The following MYT1 variants were observed in gnomAD, a reference collection of about 807,000 sequenced individuals.
MYT1 encodes myelin transcription factor 1.
A neutral mutation model predicts 123.0 loss-of-function variants in MYT1; 23 were observed. That is an observed-to-expected ratio of 0.19 (90% CI 0.13 to 0.26). The LOEUF is 0.26. Ranked by LOEUF, MYT1 falls within the 10% of genes least tolerant of loss-of-function variation. The pLI is 1.00. For missense variants in MYT1, 1,125 were observed against 1,472.5 expected (o/e 0.76, Z 3.86); for synonymous variants, 518 against 575.3 (o/e 0.90, Z 1.43).
chr20:64,240,620 C>G lies in MYT1; in HGVS notation c.*172C>G. 1.2e-6 allele frequency: 1 copy of G among 867,858 alleles called. No homozygotes were observed. Among genetic ancestry groups the G allele is most frequent in the Admixed American group, 3.2e-5 (1 of 31,266 alleles). The allele number at this position is 867,858 out of a possible 1,614,324, so 53.8% of individuals were successfully genotyped here. On this transcript the variant is annotated 3_prime_UTR_variant, in exon 23 of 23. Coordinates refer to ENST00000328439, the MANE Select transcript of MYT1 (RefSeq NM_004535.3). The stretch of plus-strand genomic sequence containing the variant: ...AAATTGGCCGCTCCCACGAGGCTCC[C>G]TCCAGGCTTGGGGCCGTGGTGGCCC...
intron 4 of MYT1, among the ~76,000 whole-genome samples, chr20:64,201,610 G>T (rs903929745): frequency 6.6e-6 from 1 of 152,116 alleles, no homozygotes; most frequent in Admixed American, 6.5e-5. Flanking sequence ...CCTGTGGCTC[G>T]TGCTGGCTGA....
chr20:64,203,598 C>T lies in MYT1; in HGVS notation c.87-1437C>T, dbSNP rs1983389006. The stretch of plus-strand genomic sequence containing the variant: ...CCCTCCCTCTCTGTCTTCTTGTTAA[C>T]ACACTGAAAACCCCACCCTGGAAGG... On this transcript the variant is annotated intron_variant, in intron 4 of 22. Coordinates refer to ENST00000328439, the MANE Select transcript of MYT1 (RefSeq NM_004535.3). The surrounding 1 kb of genome is among the most constrained non-coding windows in gnomAD (Gnocchi z 5.1). Among the ~76,000 whole-genome samples the T allele has an allele frequency of 6.6e-6, 1 of 151,908 alleles. No individual in the cohort carries two copies.
Position 64,236,621 on chromosome 20 carries a change from C to T in MYT1, c.2964C>T (p.Leu988=). ...KKGKLSGDEV[L]SPKFKTSDVL... ...GAAAACTGTCAGGGGATGAGGTCCT[C>T]AGTCCAAAGTTCAAGACTAGCGACG... Residue 988 remains leucine, a synonymous_variant, in exon 20 of 23, where the codon CTC becomes CTT. Transcript: ENST00000328439. The T allele has an allele frequency of 6.2e-7, 1 of 1,613,746 alleles. No individual in the cohort carries two copies. Among genetic ancestry groups the T allele is most frequent in the Non-Finnish European group, 8.5e-7 (1 of 1,179,840 alleles).
intron 3 of MYT1, 102 bp from the exon 4 acceptor site, chr20:64,199,790 T>A: frequency 7.2e-7 from 1 of 1,393,630 alleles, no homozygotes; most frequent in Non-Finnish European, 1.0e-6. Flanking sequence ...CACTCGTCCT[T>A]GGCAAACCTC....
At chr20:64,177,817 G>T (rs931068209) in intron 1 of MYT1, among the ~76,000 whole-genome samples, 1 of 152,228 alleles carries the variant, frequency 6.6e-6, no homozygotes, top group Non-Finnish European at 1.5e-5. Context: ...AGTTTCTAGG[G>T]CATGGGTTCC....
At chr20:64,170,931 A>AGAGAGAGAGAGACGGAGT (rs1982258308) in intron 1 of MYT1, among the ~76,000 whole-genome samples, 1 of 126,230 alleles carries the variant, frequency 7.9e-6, no homozygotes, top group Non-Finnish European at 1.7e-5. Flanking sequence ...AGAGAGAGAG[A>AGAGAGAGAGAGACGGAGT]GAGACGGAGT....
chr20:64,199,793 C>A, intron 3 of MYT1, 99 bp from the exon 4 acceptor site: 1 of 1,422,268 alleles, frequency 7.0e-7, no homozygotes, highest in Non-Finnish European at 9.9e-7. Flanking sequence ...TCGTCCTTGG[C>A]AAACCTCTCG....
At chr20:64,223,427 C>A in intron 16 of MYT1, 68 bp downstream of exon 16, 1 of 1,558,194 alleles carries the variant, frequency 6.4e-7, no homozygotes, top group Non-Finnish European at 8.8e-7. Context: ...TTCCATGAGG[C>A]TCCTGCCAAA....
In MYT1 at chr20:64,219,876, G is replaced by T. The variant is rs775494173; in HGVS notation, c.2135G>T (p.Ser712Ile). ...CACAGCAGCACCAGCGCCCCCAGCA[G>T]CTCCATGACCTCTCCCCAGTCCAGC... Reference protein sequence around the residue: ...QRHSSTSAPSSSMTSPQSSQA... With the variant: ...QRHSSTSAPSISMTSPQSSQA... Residue 712 changes from serine to isoleucine, a missense_variant, in exon 13 of 23, where the codon AGC becomes ATC. By Grantham distance (142) the Ser-to-Ile change is moderately radical (BLOSUM62 -2). Around this residue, in one of 4 missense-constraint regions of MYT1, gnomAD observed 429 missense variants for 604.1 expected, o/e 0.71. Transcript: ENST00000328439. 9 of 1,591,168 alleles carry T rather than the reference G, an allele frequency of 5.7e-6. No individual in the cohort carries two copies. The South Asian group carries it at 9.0e-5, about 16-fold the overall frequency.
chr20:64,170,621 A>G (rs1378341187), intron 1 of MYT1, among the ~76,000 whole-genome samples: 2 of 151,680 alleles, frequency 1.3e-5, no homozygotes, highest in Admixed American at 6.6e-5. Flanking sequence ...ATGTTAGACT[A>G]TTACTGCACA....
intron 8 of MYT1, among the ~76,000 whole-genome samples, chr20:64,211,565 C>T (rs1322594132): frequency 6.6e-6 from 1 of 152,236 alleles, no homozygotes; most frequent in Non-Finnish European, 1.5e-5. Flanking sequence ...ATTTGTCTAC[C>T]TAGAGACGCC....
In MYT1 at chr20:64,208,886, G is replaced by A. The variant is rs916342844; in HGVS notation, c.1291+399G>A. Among the ~76,000 whole-genome samples the A allele has an allele frequency of 6.6e-6, 1 of 152,212 alleles. No homozygotes were observed. The highest frequency in any genetic ancestry group is 2.4e-5 in the African/African-American group (1 of 41,456). On this transcript the variant is annotated intron_variant, in intron 7 of 22. Coordinates refer to ENST00000328439, the MANE Select transcript of MYT1 (RefSeq NM_004535.3). This position sits in a 1 kb window ranked among gnomAD's most constrained non-coding sequence, Gnocchi z 5.4. ...AGAACCCGCTGTTTCCTACAGCCATGCTGGGTCATCCTGATCCTCTCGTGG... is the reference window on the plus strand; with the variant it reads ...AGAACCCGCTGTTTCCTACAGCCATACTGGGTCATCCTGATCCTCTCGTGG...
chr20:64,205,097 G>T lies in MYT1; in HGVS notation c.149G>T (p.Ser50Ile), dbSNP rs1361296008. The stretch of plus-strand genomic sequence containing the variant: ...CGGGGCAAGTACTCCAGGCACCGAA[G>T]GTAAGAGGACCCTTGGATCTCACGG... ...HVRGKYSRHR[S>I]LQSCPLAKKR... The change falls in exon 5 of 23, where the codon AGT becomes ATT. Residue 50 changes from serine (S) to isoleucine (I), a missense_variant and splice_region_variant. Physicochemically the swap from Ser to Ile is moderately radical, Grantham distance 142. Coordinates refer to ENST00000328439, the MANE Select transcript of MYT1 (RefSeq NM_004535.3). 1 of 1,614,048 alleles carries T rather than the reference G, an allele frequency of 6.2e-7. No individual in the cohort carries two copies. Among genetic ancestry groups the T allele is most frequent in the Non-Finnish European group, 8.5e-7 (1 of 1,180,014 alleles).
chr20:64,217,370 G>C, intron 11 of MYT1, 89 bp downstream of exon 11: 1 of 1,384,200 alleles, frequency 7.2e-7, no homozygotes, highest in South Asian at 1.2e-5. Flanking sequence ...GGACCCTCTC[G>C]AGGAGCTACT....
At chr20:64,226,857 G>A (rs1297698177) in intron 16 of MYT1, among the ~76,000 whole-genome samples, 1 of 152,244 alleles carries the variant, frequency 6.6e-6, no homozygotes, top group South Asian at 2.1e-4. Flanking sequence ...GCCTGGCATG[G>A]CCAGCGCCAT....
At chr20:64,207,080 C>T (rs893546254) in intron 6 of MYT1, among the ~76,000 whole-genome samples, 2 of 152,158 alleles carry the variant, frequency 1.3e-5, no homozygotes, top group East Asian at 1.9e-4. Flanking sequence ...GACAGGGTTT[C>T]GCCATGTTGA....
chr20:64,177,454 G>C (rs986742816), intron 1 of MYT1, among the ~76,000 whole-genome samples: 2 of 152,050 alleles, frequency 1.3e-5, no homozygotes, highest in Admixed American at 6.5e-5. Context: ...TTTCCTGCCA[G>C]TGTTTCCTCC....
At chr20:64,172,668 C>A (rs1982320980) in intron 1 of MYT1, among the ~76,000 whole-genome samples, 2 of 151,272 alleles carry the variant, frequency 1.3e-5, no homozygotes, top group Admixed American at 6.6e-5. Context: ...GCCGACGTGT[C>A]TTCTGGGGAG....
Position 64,186,739 on chromosome 20 carries a change from G to A in MYT1, c.-98-3324G>A, listed in dbSNP as rs1199239349. 1.3e-5 allele frequency among the ~76,000 whole-genome samples: 2 copies of A among 152,270 alleles called. No homozygotes were observed. Among genetic ancestry groups the A allele is most frequent in the Non-Finnish European group, 2.9e-5 (2 of 68,054 alleles). On this transcript the variant is annotated intron_variant, in intron 1 of 22. Transcript: ENST00000328439. The surrounding 1 kb of genome is among the most constrained non-coding windows in gnomAD (Gnocchi z 4.3). Reference sequence around the variant, plus strand: ...GGGCGTCTTTATGGAACACCTCCACGTTTCCGTGGAGAGATTTCCTGTAGC... The same window carrying A: ...GGGCGTCTTTATGGAACACCTCCACATTTCCGTGGAGAGATTTCCTGTAGC...
Sources: allele counts gnomAD v4.1 joint callset (sites outside exome capture counted in the v4.1 genomes callset), GRCh38; gene constraint gnomAD v4.1.1; regional missense constraint gnomAD v4.1.1; non-coding constraint Gnocchi (gnomAD v3.1); transcripts MANE v1.5; gene names NCBI Gene and HGNC (gene_info 2026-07-23, HGNC 2026-07-21).